PCDH9: variants seen among roughly 807,000 people sequenced by gnomAD.
PCDH9 encodes protocadherin 9, also known as protocadherin-9.
A neutral mutation model predicts 70.6 loss-of-function variants in PCDH9; 24 were observed. That is an observed-to-expected ratio of 0.34 (90% CI 0.25 to 0.48). The LOEUF (loss-of-function observed/expected upper bound fraction) is 0.48, where lower values mean the gene tolerates loss of function less well. PCDH9 is among the 20% of genes least tolerant of loss of function. The pLI, the probability that PCDH9 is intolerant of heterozygous loss-of-function variation, is 0.99. For synonymous variants in PCDH9, 562 were observed against 558.5 expected (o/e 1.01, Z -0.09); for missense variants, 1,281 against 1,503.6 (o/e 0.85, Z 2.45).
chr13:66,321,113 T>C (rs943631589), intron 4 of PCDH9, among the ~76,000 whole-genome samples: 1 of 152,020 alleles, frequency 6.6e-6, no homozygotes, highest in Non-Finnish European at 1.5e-5. Context: ...ACTGGGCTCC[T>C]GAAGCAAACT....
intron 3 of PCDH9, among the ~76,000 whole-genome samples, chr13:66,666,386 C>G (rs1451079872): frequency 1.3e-5 from 2 of 151,928 alleles, no homozygotes; most frequent in Non-Finnish European, 2.9e-5. Context: ...CCATTTGCTC[C>G]TCATGCCACA....
At chr13:67,012,306 A>G (rs567739331) in intron 2 of PCDH9, among the ~76,000 whole-genome samples, 3 of 151,870 alleles carry the variant, frequency 2.0e-5, no homozygotes, top group Non-Finnish European at 4.4e-5. Flanking sequence ...GTATTTTAAT[A>G]ATGTGCACGT....
intron 4 of PCDH9, among the ~76,000 whole-genome samples, chr13:66,575,548 G>A (rs2076802863): frequency 6.6e-6 from 1 of 152,172 alleles, no homozygotes; most frequent in South Asian, 2.1e-4. Flanking sequence ...TTCCTCTTCA[G>A]TGAGTACGCT....
intron 4 of PCDH9, among the ~76,000 whole-genome samples, chr13:66,534,788 G>A (rs1347816417): frequency 2.0e-5 from 3 of 152,054 alleles, no homozygotes; most frequent in African/African-American, 4.8e-5. Flanking sequence ...TATACATCAA[G>A]GCCGACAACC....
At chr13:66,514,446 G>A (rs1959634629) in intron 4 of PCDH9, among the ~76,000 whole-genome samples, 1 of 143,004 alleles carries the variant, frequency 7.0e-6, no homozygotes, top group African/African-American at 2.6e-5. Flanking sequence ...AGAACAAATC[G>A]TTTTGAGTTT....
intron 2 of PCDH9, among the ~76,000 whole-genome samples, chr13:67,103,795 A>G (rs1446717478): frequency 6.6e-6 from 1 of 151,270 alleles, no homozygotes; most frequent in Non-Finnish European, 1.5e-5. Flanking sequence ...GGGAATTCCT[A>G]CATCATTGAC....
intron 3 of PCDH9, among the ~76,000 whole-genome samples, chr13:66,659,764 A>C (rs2077983410): frequency 6.7e-6 from 1 of 149,318 alleles, no homozygotes; most frequent in African/African-American, 2.5e-5. Flanking sequence ...ACTTAACTCC[A>C]CCCATTAAAT....
At chr13:66,522,036 C>CATATATATATATATATATAGATACAT (rs34150352) in intron 4 of PCDH9, among the ~76,000 whole-genome samples, 1 of 145,228 alleles carries the variant, frequency 6.9e-6, no homozygotes, top group Non-Finnish European at 1.5e-5. Flanking sequence ...TGTATATATA[C>CATATATATATATATATATAGATACAT]ATATATATAT....
intron 4 of PCDH9, among the ~76,000 whole-genome samples, chr13:66,326,041 G>A (rs1459883669): frequency 6.6e-6 from 1 of 151,920 alleles, no homozygotes; most frequent in East Asian, 1.9e-4. Flanking sequence ...ATCCAGTTTC[G>A]GGTTGTTTCA....
chr13:66,905,925 A>G (rs1346771679), intron 2 of PCDH9, among the ~76,000 whole-genome samples: 3 of 152,108 alleles, frequency 2.0e-5, no homozygotes, highest in Non-Finnish European at 4.4e-5. Context: ...ACTGTACCAT[A>G]TCTCCCTTAA....
chr13:67,062,550 TG>T (rs1375883214), intron 2 of PCDH9, among the ~76,000 whole-genome samples: 2 of 152,174 alleles, frequency 1.3e-5, no homozygotes, highest in Non-Finnish European at 2.9e-5. Context: ...CAGAGACTGA[TG>T]TATATTGAAA....
At chr13:67,130,137 G>A (rs1482071602) in intron 2 of PCDH9, among the ~76,000 whole-genome samples, 1 of 152,126 alleles carries the variant, frequency 6.6e-6, no homozygotes, top group African/African-American at 2.4e-5. Context: ...GTGCCTACCA[G>A]ACTTAGATTT....
chr13:67,181,758 G>A (rs2138484478), intron 2 of PCDH9, among the ~76,000 whole-genome samples: 1 of 151,854 alleles, frequency 6.6e-6, no homozygotes, highest in South Asian at 2.1e-4. Context: ...TAAAAATTAG[G>A]CCATAAAAAA....
chr13:66,374,889 T>C (rs1001041355), intron 4 of PCDH9, among the ~76,000 whole-genome samples: 1 of 152,088 alleles, frequency 6.6e-6, no homozygotes, highest in Non-Finnish European at 1.5e-5. Flanking sequence ...GAAGGAATAG[T>C]AGATCATCAC....
chr13:67,037,285 C>T (rs1049662482), intron 2 of PCDH9, among the ~76,000 whole-genome samples: 11 of 152,262 alleles, frequency 7.2e-5, no homozygotes, highest in Admixed American at 2.6e-4. Context: ...AGTTATGTTA[C>T]TCGCTCGACT....
chr13:66,364,609 G>A (rs1398022102), intron 4 of PCDH9, among the ~76,000 whole-genome samples: 20 of 152,156 alleles, frequency 1.3e-4, no homozygotes, highest in Non-Finnish European at 1.9e-4. Flanking sequence ...ACTGCATTAA[G>A]TTGCCTAATT....
At chr13:67,105,766 T>C (rs955581187) in intron 2 of PCDH9, among the ~76,000 whole-genome samples, 2 of 151,980 alleles carry the variant, frequency 1.3e-5, no homozygotes, top group African/African-American at 2.4e-5. Context: ...TGACAATTGC[T>C]TAAATGTGTA....
intron 4 of PCDH9, among the ~76,000 whole-genome samples, chr13:66,358,454 T>C (rs113470804): frequency 1.9e-4 from 29 of 152,122 alleles, no homozygotes; most frequent in African/African-American, 6.7e-4. Context: ...AAAGCTTGCA[T>C]GGTGAAAACA....
intron 3 of PCDH9, among the ~76,000 whole-genome samples, chr13:66,717,474 AAAAAAAATATATATATATATAT>A (rs1260739573): frequency 1.7e-4 from 5 of 30,106 alleles, no homozygotes; most frequent in Admixed American, 6.6e-4. Context: ...AAAAAAAAAA[AAAAAAAATATATATATATATAT>A]ATATATATAT....
Sources: gnomAD v4.1 joint callset for allele counts (sites outside exome capture counted in the v4.1 genomes callset) on GRCh38, gnomAD v4.1.1 for gene constraint, MANE v1.5 for transcripts, NCBI Gene and HGNC (gene_info 2026-07-23, HGNC 2026-07-21) for gene names.